RHEX: variants seen among roughly 807,000 people sequenced by gnomAD.
The protein encoded by RHEX is regulator of hemoglobinization and erythroid cell expansion protein.
A neutral mutation model predicts 20.1 loss-of-function variants in RHEX; 18 were observed. That is an observed-to-expected ratio of 0.90 (90% CI 0.62 to 1.33). RHEX has a LOEUF of 1.33. RHEX is among the 40% of genes most tolerant of loss of function. The pLI is 0.00. For synonymous variants in RHEX, 87 were observed against 77.1 expected, an observed-to-expected ratio of 1.13 and a Z score of -0.67; for missense variants, 192 against 214.3, an observed-to-expected ratio of 0.90 and a Z score of 0.65.
intron 1 of RHEX, among the ~76,000 whole-genome samples, chr1:206,076,536 G>A (rs979694459): frequency 7.9e-5 from 12 of 152,142 alleles, no homozygotes; most frequent in South Asian, 2.1e-4. Flanking sequence ...CAGGGAAGTC[G>A]GACTGGATGA....
At chr1:206,083,400 A>T (rs782819240) in intron 1 of RHEX, 68 of 489,584 alleles carry the variant, frequency 1.4e-4, no homozygotes, top group Non-Finnish European at 1.7e-4. Context: ...TGTACCAGGG[A>T]GCTGGGCAGA....
chr1:206,058,665 G>A, intron 1 of RHEX, among the ~76,000 whole-genome samples: 1 of 152,158 alleles, frequency 6.6e-6, no homozygotes, highest in East Asian at 1.9e-4. Context: ...GAAACTCCCT[G>A]CCCTGTTCTG....
Position 206,066,505 on chromosome 1 carries a change from T to C in RHEX, c.-97+13240T>C, listed in dbSNP as rs1571856389. On this transcript the variant is annotated intron_variant, in intron 1 of 5. Transcript: ENST00000331555. ...GGTGGCACATGCCTGTAATCCCAGC[T>C]ACTCCGGAGGCTGAGGCAGAAGAAT... is the stretch of plus-strand genomic sequence containing the variant. Among the ~76,000 whole-genome samples, 9 of 152,152 alleles carry C rather than the reference T, an allele frequency of 5.9e-5. 2 individuals are homozygous for C. The South Asian group carries it at 1.7e-3, about 28-fold the overall frequency.
intron 1 of RHEX, among the ~76,000 whole-genome samples, chr1:206,076,730 G>A (rs1199215292): frequency 6.6e-6 from 1 of 152,220 alleles, no homozygotes; most frequent in Non-Finnish European, 1.5e-5. Flanking sequence ...TAGCATCCTG[G>A]AAGCAGTGAA....
chr1:206,080,537 G>T (rs1367939884), intron 1 of RHEX, among the ~76,000 whole-genome samples: 1 of 152,192 alleles, frequency 6.6e-6, no homozygotes, highest in Non-Finnish European at 1.5e-5. Context: ...AGGTGAAAGT[G>T]TGTTATCGAC....
At chr1:206,059,767 G>T (rs1232951240) in intron 1 of RHEX, among the ~76,000 whole-genome samples, 2 of 152,132 alleles carry the variant, frequency 1.3e-5, no homozygotes, top group Non-Finnish European at 1.5e-5. Flanking sequence ...GACAGAATGT[G>T]GCTGGAGAGG....
chr1:206,076,076 C>G (rs999615979), intron 1 of RHEX, among the ~76,000 whole-genome samples: 3 of 151,920 alleles, frequency 2.0e-5, no homozygotes, highest in Non-Finnish European at 4.4e-5. Context: ...CTGCGAGAAG[C>G]AAAAACTTGT....
chr1:206,092,064 T>TTCTCTC (rs542509735), intron 1 of RHEX, among the ~76,000 whole-genome samples: 2,309 of 151,586 alleles, frequency 0.015, 51 homozygotes, highest in African/African-American at 0.053. Flanking sequence ...CTCTCTCTCT[T>TTCTCTC]TCTCTCTCTT....
At chr1:206,059,205 GGCA>G (rs1553283011) in intron 1 of RHEX, among the ~76,000 whole-genome samples, 1 of 152,068 alleles carries the variant, frequency 6.6e-6, no homozygotes, top group East Asian at 1.9e-4. Context: ...GTTCATGACT[GGCA>G]CCATGGGCAC....
At chr1:206,073,472 GTAT>G (rs1167884200) in intron 1 of RHEX, among the ~76,000 whole-genome samples, 4 of 152,042 alleles carry the variant, frequency 2.6e-5, no homozygotes, top group East Asian at 1.9e-4. Flanking sequence ...GAGAAAGCTA[GTAT>G]TATTATTATT....
intron 1 of RHEX, among the ~76,000 whole-genome samples, chr1:206,077,940 G>A (rs782763769): frequency 2.0e-5 from 3 of 152,194 alleles, no homozygotes; most frequent in Non-Finnish European, 4.4e-5. Context: ...TGATGGTGAT[G>A]CCAAATAGCC....
chr1:206,066,969 A>G (rs1662434432), intron 1 of RHEX, among the ~76,000 whole-genome samples: 1 of 152,236 alleles, frequency 6.6e-6, no homozygotes, highest in South Asian at 2.1e-4. Context: ...GTCAGTTATC[A>G]GGACAGGACG....
chr1:206,080,691 C>G (rs1189272679), intron 1 of RHEX, among the ~76,000 whole-genome samples: 2 of 152,176 alleles, frequency 1.3e-5, no homozygotes, highest in Admixed American at 6.5e-5. Context: ...CAGCTCAAAG[C>G]AGAGATAAGG....
chr1:206,087,357 C>A (rs952695884), intron 1 of RHEX, among the ~76,000 whole-genome samples: 3 of 152,192 alleles, frequency 2.0e-5, no homozygotes, highest in African/African-American at 7.2e-5. Flanking sequence ...TGTTGCCTGT[C>A]CTTCAAATAA....
intron 1 of RHEX, among the ~76,000 whole-genome samples, chr1:206,059,764 T>C (rs569063429): frequency 6.6e-6 from 1 of 152,140 alleles, no homozygotes; most frequent in Non-Finnish European, 1.5e-5. Flanking sequence ...ATGGACAGAA[T>C]GTGGCTGGAG....
At chr1:206,086,587 T>C (rs1351075434) in intron 1 of RHEX, among the ~76,000 whole-genome samples, 1 of 152,232 alleles carries the variant, frequency 6.6e-6, no homozygotes, top group African/African-American at 2.4e-5. Flanking sequence ...TTTTCTCATA[T>C]GTAAAATTGG....
chr1:206,068,771 C>T lies in RHEX; in HGVS notation c.-97+15506C>T, dbSNP rs117906536. Among the ~76,000 whole-genome samples, 1,214 of 152,316 alleles carry T rather than the reference C, an allele frequency of 8.0e-3. 45 individuals are homozygous for T. Among genetic ancestry groups the T allele is most frequent in the Admixed American group, 0.069 (1,050 of 15,292 alleles). ...CTTTATTTCAGCACTTCTCAGAGCA[C>T]TCATTGTATAAGGTACTTTGTGAAT... On this transcript the variant is annotated intron_variant, in intron 1 of 5. Transcript: ENST00000331555.
rs1662458762 is a variant in RHEX at position 206,067,885 on chromosome 1, G to A, written c.-97+14620G>A. ...TTTACCATCTGTGACGCCAGCCCCA[G>A]CCAGTTGCACCTGCAACAGATGACA... On this transcript the variant is annotated intron_variant, in intron 1 of 5. Coordinates refer to ENST00000331555, the MANE Select transcript of RHEX (RefSeq NM_001007544.4). This position sits in a 1 kb window ranked among gnomAD's most constrained non-coding sequence, Gnocchi z 4.6. 1.3e-5 allele frequency among the ~76,000 whole-genome samples: 2 copies of A among 152,200 alleles called. No individual in the cohort carries two copies. Among genetic ancestry groups the A allele is most frequent in the South Asian group, 4.1e-4 (2 of 4,836 alleles).
chr1:206,088,639 C>T (rs532258348), intron 1 of RHEX, among the ~76,000 whole-genome samples: 5 of 152,148 alleles, frequency 3.3e-5, no homozygotes, highest in East Asian at 3.9e-4. Flanking sequence ...GCCAAGATTG[C>T]GCCACTGCAC....
Sources: allele counts gnomAD v4.1 joint callset (sites outside exome capture counted in the v4.1 genomes callset), GRCh38; gene constraint gnomAD v4.1.1; non-coding constraint Gnocchi (gnomAD v3.1); transcripts MANE v1.5; gene names NCBI Gene and HGNC (gene_info 2026-07-23, HGNC 2026-07-21).